Variants in AFG2A observed in about 807,000 individuals in gnomAD.
AFG2A encodes AAA ATPase AFG2A, also known as ATPase family gene 2 protein homolog A.
the AFG2A span, among the ~76,000 whole-genome samples, chr4:123,041,867 T>C: frequency 5.3e-5 from 8 of 152,294 alleles, no homozygotes; most frequent in East Asian, 7.7e-4. Flanking sequence ...CTTGGGTTAA[T>C]AGAAAAAAAT....
At chr4:122,930,217 T>C in the AFG2A span, among the ~76,000 whole-genome samples, 1 of 152,252 alleles carries the variant, frequency 6.6e-6, no homozygotes, top group Non-Finnish European at 1.5e-5. Flanking sequence ...TGAATCTACC[T>C]ATCAAGGTAG....
the AFG2A span, among the ~76,000 whole-genome samples, chr4:123,163,102 C>T: frequency 2.6e-5 from 4 of 152,144 alleles, no homozygotes; most frequent in South Asian, 2.1e-4. Flanking sequence ...TCCATAGTAA[C>T]GTGATTAACC....
the AFG2A span, among the ~76,000 whole-genome samples, chr4:123,077,669 T>C: frequency 9.8e-5 from 15 of 152,334 alleles, no homozygotes; most frequent in African/African-American, 3.6e-4. Context: ...CCACTCTTGG[T>C]TAACTCAGAT....
At chr4:123,069,337 A>G in the AFG2A span, among the ~76,000 whole-genome samples, 19 of 152,260 alleles carry the variant, frequency 1.2e-4, no homozygotes, top group African/African-American at 4.6e-4. Context: ...TTTTGCGTAA[A>G]CAAGCACCTA....
chr4:123,053,217 A>G, the AFG2A span, among the ~76,000 whole-genome samples: 35 of 152,318 alleles, frequency 2.3e-4, 1 homozygote, highest in Middle Eastern at 6.8e-3. Flanking sequence ...AATATTTACC[A>G]TCACAGAGAC....
the AFG2A span, among the ~76,000 whole-genome samples, chr4:122,939,912 G>A: frequency 1.6e-4 from 25 of 152,252 alleles, no homozygotes; most frequent in African/African-American, 5.8e-4. Context: ...ATAGTTTGCT[G>A]AGAATGATGA....
the AFG2A span, among the ~76,000 whole-genome samples, chr4:123,293,291 G>C: frequency 1.0e-3 from 157 of 152,244 alleles, no homozygotes; most frequent in African/African-American, 3.7e-3. Context: ...CCAACTGCTG[G>C]GGTAGAATGA....
the AFG2A span, among the ~76,000 whole-genome samples, chr4:123,224,304 G>A: frequency 1.3e-5 from 2 of 151,926 alleles, no homozygotes; most frequent in Admixed American, 1.3e-4. Flanking sequence ...TTGGTGTGCT[G>A]CACCCATTAA....
the AFG2A span, among the ~76,000 whole-genome samples, chr4:123,110,723 C>G: frequency 3.9e-5 from 6 of 152,170 alleles, no homozygotes; most frequent in African/African-American, 9.7e-5. Flanking sequence ...TGTACATAAT[C>G]TGTAACTCTC....
At chr4:122,977,608 T>C in the AFG2A span, among the ~76,000 whole-genome samples, 30 of 152,236 alleles carry the variant, frequency 2.0e-4, no homozygotes, top group Admixed American at 6.5e-5. Flanking sequence ...ACAGCTCCTC[T>C]TCTTCTCATT....
chr4:123,013,367 T>G, the AFG2A span, among the ~76,000 whole-genome samples: 1 of 152,174 alleles, frequency 6.6e-6, no homozygotes. Context: ...TTGGTAACCT[T>G]TTTCACCTGA....
At chr4:123,177,825 C>T in the AFG2A span, among the ~76,000 whole-genome samples, 1 of 152,280 alleles carries the variant, frequency 6.6e-6, no homozygotes, top group African/African-American at 2.4e-5. Context: ...CATTGAGCCG[C>T]ATGGCCGCAT....
chr4:123,041,562 G>A, the AFG2A span, among the ~76,000 whole-genome samples: 9 of 151,242 alleles, frequency 6.0e-5, no homozygotes, highest in Admixed American at 3.3e-4. Context: ...ACGGAGTTTC[G>A]CTCTTGTTGT....
the AFG2A span, among the ~76,000 whole-genome samples, chr4:123,103,598 G>C: frequency 2.0e-5 from 3 of 151,994 alleles, no homozygotes; most frequent in Non-Finnish European, 4.4e-5. Flanking sequence ...AAATACACAA[G>C]TTTCTTACAT....
chr4:123,096,186 T>A, the AFG2A span, among the ~76,000 whole-genome samples: 7 of 151,690 alleles, frequency 4.6e-5, no homozygotes, highest in Non-Finnish European at 8.8e-5. Flanking sequence ...TTTTTCTACC[T>A]CCTGCTTAGA....
At chr4:122,971,334 G>C in the AFG2A span, among the ~76,000 whole-genome samples, 1 of 152,136 alleles carries the variant, frequency 6.6e-6, no homozygotes, top group African/African-American at 2.4e-5. Flanking sequence ...TTGAGTGTGG[G>C]AGGTTGAGGC....
the AFG2A span, among the ~76,000 whole-genome samples, chr4:123,085,190 G>A: frequency 6.6e-6 from 1 of 152,132 alleles, no homozygotes; most frequent in Non-Finnish European, 1.5e-5. Context: ...GGCTGTTGCT[G>A]TATGAATTAG....
the AFG2A span, among the ~76,000 whole-genome samples, chr4:123,283,344 G>C: frequency 1.2e-4 from 16 of 128,548 alleles, no homozygotes; most frequent in Non-Finnish European, 2.8e-4. Flanking sequence ...TAAGTGACCC[G>C]GTAGGAAAAA....
chr4:122,952,380 A>C, the AFG2A span, among the ~76,000 whole-genome samples: 2 of 152,138 alleles, frequency 1.3e-5, no homozygotes, highest in Non-Finnish European at 2.9e-5. Flanking sequence ...TTCTTCGTGG[A>C]TTAGTCTCAG....
Sources: gnomAD v4.1 joint callset for allele counts (sites outside exome capture counted in the v4.1 genomes callset) on GRCh38, gnomAD v4.1.1 for gene constraint, MANE v1.5 for transcripts, NCBI Gene and HGNC (gene_info 2026-07-23, HGNC 2026-07-21) for gene names.